Variants in MECOM observed in about 807,000 individuals in gnomAD.
MECOM encodes the protein MDS1 and EVI1 complex locus.
In MECOM, 13 loss-of-function variants were observed where a neutral mutation model predicts 116.3. That is an observed-to-expected ratio of 0.11 (90% CI 0.07 to 0.18). The LOEUF (loss-of-function observed/expected upper bound fraction) is 0.18, where lower values mean the gene tolerates loss of function less well. Among genes scored for constraint, MECOM ranks in the 10% least tolerant of loss-of-function variants. The pLI, the probability that MECOM is intolerant of heterozygous loss-of-function variation, is 1.00. For synonymous variants in MECOM, 528 were observed against 535.2 expected, an observed-to-expected ratio of 0.99 and a Z score of 0.19; for missense variants, 1,299 against 1,509.0, an observed-to-expected ratio of 0.86 and a Z score of 2.31.
intron 1 of MECOM, among the ~76,000 whole-genome samples, chr3:169,604,216 G>A (rs1350106920): frequency 6.6e-6 from 1 of 152,020 alleles, no homozygotes; most frequent in Admixed American, 6.5e-5. Flanking sequence ...ACAAAAGAGA[G>A]AGAAATCTCT....
At chr3:169,114,499 C>T (rs749840478) in intron 8 of MECOM, among the ~76,000 whole-genome samples, 11 of 151,874 alleles carry the variant, frequency 7.2e-5, no homozygotes, top group East Asian at 3.9e-4. Flanking sequence ...TTTCTCTTCA[C>T]GAAAGAGAAT....
rs944902214 is a variant in MECOM, at chr3:169,656,674, G to A, written c.37+6662C>T. On this transcript the variant is annotated intron_variant, in intron 1 of 16. Coordinates refer to ENST00000651503, the MANE Select transcript of MECOM (RefSeq NM_004991.4). ...GTTTGCATGGGTTGATGGTATTTTT[G>A]TCTTGGCTTTGAGTTCTCCACATTA... Among the ~76,000 whole-genome samples, 7 of 152,284 alleles carry A rather than the reference G, an allele frequency of 4.6e-5. No homozygotes were observed. In the East Asian group the frequency reaches 1.2e-3, roughly 25 times the overall value.
chr3:169,532,234 G>A (rs888439307), intron 1 of MECOM, among the ~76,000 whole-genome samples: 2 of 152,206 alleles, frequency 1.3e-5, no homozygotes, highest in Admixed American at 6.5e-5. Context: ...TGGAACCTGA[G>A]AATCTGCACT....
intron 1 of MECOM, among the ~76,000 whole-genome samples, chr3:169,382,135 A>G (rs1325043428): frequency 6.6e-6 from 1 of 152,178 alleles, no homozygotes; most frequent in Non-Finnish European, 1.5e-5. Flanking sequence ...GAAGAAAGTT[A>G]AAGTTACCTG....
chr3:169,150,346 A>G (rs1376711935), intron 2 of MECOM, among the ~76,000 whole-genome samples: 1 of 152,230 alleles, frequency 6.6e-6, no homozygotes, highest in Non-Finnish European at 1.5e-5. Context: ...AAATACAAGG[A>G]GCCAAATACC....
chr3:169,529,268 C>T (rs1018858547), intron 1 of MECOM, among the ~76,000 whole-genome samples: 1 of 152,216 alleles, frequency 6.6e-6, no homozygotes, highest in Non-Finnish European at 1.5e-5. Context: ...GCTGTGCAAC[C>T]TTGGTTAAAA....
chr3:169,127,893 T>C lies in MECOM; in HGVS notation c.781A>G (p.Thr261Ala), dbSNP rs1218074138. Residue 261 changes from threonine to alanine, a missense_variant, in exon 5 of 17, where the codon ACG becomes GCG. Thr to Ala is a moderately conservative substitution (Grantham distance 58, BLOSUM62 0). Transcript: ENST00000651503. Reference protein sequence around the residue: ...ESENDLQEIHTIQECKECDQV... With the variant: ...ESENDLQEIHAIQECKECDQV... Reference sequence around the variant, plus strand: ...TCACATTCCTTACACTCCTGGATCGTGTGTATCTCTTGGAGATCATTCTCG... The same window carrying C: ...TCACATTCCTTACACTCCTGGATCGCGTGTATCTCTTGGAGATCATTCTCG... 6.2e-7 allele frequency: 1 copy of C among 1,614,070 alleles called. No individual in the cohort carries two copies.
At position 169,378,446 on chromosome 3, in the gene MECOM, AAAGAAGGAAAGCAAGCAAGC is replaced by A. The variant is rs1270016542; in HGVS notation, c.375+2721_375+2740del. Reference sequence around the variant, plus strand: ...GAAAGAAAGAAAGAAAGAAAGAAAGAAAGAAGGAAAGCAAGCAAGCAAGCAAGCAAGAAAGAGAGAGAGAA... The same window carrying A: ...GAAAGAAAGAAAGAAAGAAAGAAAGAAAGCAAGCAAGAAAGAGAGAGAGAA... On this transcript the variant is annotated intron_variant, in intron 2 of 16. Transcript: ENST00000651503. 3.5e-3 allele frequency among the ~76,000 whole-genome samples: 281 copies of A among 80,402 alleles called. 32 individuals carry two copies. Among genetic ancestry groups the A allele is most frequent in the African/African-American group, 8.4e-3 (104 of 12,320 alleles). The allele number at this position is 80,402 out of a possible 152,430, so 52.7% of individuals were successfully genotyped here. A position where few individuals can be genotyped will look rare whatever the true frequency, so the allele number is the denominator to read the frequency against.
intron 2 of MECOM, among the ~76,000 whole-genome samples, chr3:169,295,631 T>G (rs1715441377): frequency 6.6e-6 from 1 of 152,336 alleles, no homozygotes; most frequent in Non-Finnish European, 1.5e-5. Flanking sequence ...TCTCAAATTC[T>G]TTTTATGTTT....
At chr3:169,185,878 G>C (rs1746633586) in intron 2 of MECOM, among the ~76,000 whole-genome samples, 1 of 152,122 alleles carries the variant, frequency 6.6e-6, no homozygotes, top group Non-Finnish European at 1.5e-5. Context: ...CACTCATACT[G>C]AATTTATGTC....
At chr3:169,093,421 A>G (rs35039473) in intron 13 of MECOM, among the ~76,000 whole-genome samples, 22,238 of 152,158 alleles carry the variant, frequency 0.15, 2,170 homozygotes, top group Non-Finnish European at 0.2. Flanking sequence ...TTAGAGTGAG[A>G]CAAATTATGA....
chr3:169,128,121 A>C, intron 4 of MECOM, 61 bp from the exon 5 acceptor site: 1 of 1,442,420 alleles, frequency 6.9e-7, no homozygotes, highest in Non-Finnish European at 9.8e-7. Context: ...CAAACCAGCC[A>C]ATCTTACCAA....
At chr3:169,561,088 A>C (rs1401959709) in intron 1 of MECOM, among the ~76,000 whole-genome samples, 1 of 151,842 alleles carries the variant, frequency 6.6e-6, no homozygotes, top group Non-Finnish European at 1.5e-5. Context: ...GTAATCAGAA[A>C]AATTTTAATT....
intron 1 of MECOM, among the ~76,000 whole-genome samples, chr3:169,557,343 A>G (rs935206041): frequency 6.6e-6 from 1 of 152,206 alleles, no homozygotes; most frequent in African/African-American, 2.4e-5. Context: ...AGGGAACTTC[A>G]TGGAATGTAG....
chr3:169,558,664 G>A (rs1231690470), intron 1 of MECOM, among the ~76,000 whole-genome samples: 1 of 152,166 alleles, frequency 6.6e-6, no homozygotes, highest in Non-Finnish European at 1.5e-5. Context: ...AAATAACAAT[G>A]AGGCCTTTTG....
chr3:169,421,825 T>TC (rs1739804783), intron 1 of MECOM, among the ~76,000 whole-genome samples: 1 of 152,060 alleles, frequency 6.6e-6, no homozygotes, highest in African/African-American at 2.4e-5. Context: ...AGGTAAGAGG[T>TC]GAGAGCCTGA....
chr3:169,389,924 A>C (rs1222301827), intron 1 of MECOM, among the ~76,000 whole-genome samples: 1 of 152,204 alleles, frequency 6.6e-6, no homozygotes, highest in East Asian at 1.9e-4. Context: ...CATTGTCAAG[A>C]AAGGAAGTAT....
intron 2 of MECOM, chr3:169,145,307 A>C: frequency 2.6e-6 from 1 of 380,862 alleles, no homozygotes; most frequent in Non-Finnish European, 4.7e-6. Context: ...GTTATCAATA[A>C]AATTACAAAC....
intron 1 of MECOM, among the ~76,000 whole-genome samples, chr3:169,532,101 T>G (rs1413728974): frequency 5.3e-5 from 8 of 152,236 alleles, no homozygotes; most frequent in Admixed American, 3.9e-4. Flanking sequence ...ATAGAGGCCC[T>G]TAGCAATTGT....
Sources: allele counts gnomAD v4.1 joint callset (sites outside exome capture counted in the v4.1 genomes callset), GRCh38; gene constraint gnomAD v4.1.1; transcripts MANE v1.5; gene names NCBI Gene and HGNC (gene_info 2026-07-23, HGNC 2026-07-21).